Variants in ETS1 observed in about 807,000 individuals in gnomAD.
ETS1 encodes the protein protein C-ets-1.
Under a neutral mutation model 58.6 loss-of-function variants are expected in ETS1, and 15 were observed. That is an observed-to-expected ratio of 0.26 (90% confidence interval 0.17 to 0.39). The LOEUF is 0.39. Ranked by LOEUF, ETS1 falls within the 10% of genes least tolerant of loss-of-function variation. The pLI, the probability that ETS1 is intolerant of heterozygous loss-of-function variation, is 1.00. For missense variants in ETS1, 417 were observed against 610.5 expected, an observed-to-expected ratio of 0.68 and a Z score of 3.34; for synonymous variants, 214 against 218.2, an observed-to-expected ratio of 0.98 and a Z score of 0.17.
At chr11:128,479,251 G>C (rs960251562) in intron 8 of ETS1, among the ~76,000 whole-genome samples, 3 of 152,062 alleles carry the variant, frequency 2.0e-5, no homozygotes, top group Admixed American at 2.0e-4. Flanking sequence ...CCACACAAAG[G>C]GTCCCTACAT....
At chr11:128,494,284 A>G (rs978008026) in intron 3 of ETS1, among the ~76,000 whole-genome samples, 4 of 152,224 alleles carry the variant, frequency 2.6e-5, no homozygotes, top group Non-Finnish European at 4.4e-5. Context: ...TATTGCAATT[A>G]TATTAGATTT....
chr11:128,525,443 C>A (rs931414918), intron 3 of ETS1, among the ~76,000 whole-genome samples: 5 of 151,992 alleles, frequency 3.3e-5, no homozygotes, highest in East Asian at 3.9e-4. Flanking sequence ...CAGAAGTGTC[C>A]TAGCATGTTA....
At chr11:128,555,085 C>G (rs1220852242) in intron 3 of ETS1, among the ~76,000 whole-genome samples, 1 of 152,074 alleles carries the variant, frequency 6.6e-6, no homozygotes, top group African/African-American at 2.4e-5. Context: ...AAGAATACCT[C>G]AAAGATCAAT....
chr11:128,524,894 T>A (rs1863770377), intron 3 of ETS1, among the ~76,000 whole-genome samples: 1 of 152,058 alleles, frequency 6.6e-6, no homozygotes, highest in Non-Finnish European at 1.5e-5. Flanking sequence ...AGAACCTCTA[T>A]CCCCAGCACT....
chr11:128,572,979 A>G, intron 2 of ETS1, 83 bp downstream of exon 2: 1 of 1,085,032 alleles, frequency 9.2e-7, no homozygotes, highest in Admixed American at 2.0e-5. Context: ...TTCTCTGTCT[A>G]CTGGGGGTCA....
At chr11:128,545,241 C>T (rs1864116139) in intron 3 of ETS1, among the ~76,000 whole-genome samples, 1 of 152,068 alleles carries the variant, frequency 6.6e-6, no homozygotes, top group South Asian at 2.1e-4. Flanking sequence ...TCTTGTTTTC[C>T]CTTTTACATC....
chr11:128,500,063 G>A (rs189992037), intron 3 of ETS1, among the ~76,000 whole-genome samples: 121 of 152,298 alleles, frequency 7.9e-4, no homozygotes, highest in African/African-American at 1.5e-3. Flanking sequence ...AAGTTAGCCC[G>A]GGAAGGGCAG....
At chr11:128,572,551 C>G (rs1479290900) in intron 2 of ETS1, among the ~76,000 whole-genome samples, 5 of 152,172 alleles carry the variant, frequency 3.3e-5, no homozygotes, top group African/African-American at 1.2e-4. Flanking sequence ...GGACAAAAAA[C>G]TTCATCCAGT....
In ETS1 at chr11:128,556,346, A is replaced by G. The variant is rs1864312147; in HGVS notation, c.159T>C (p.Phe53=). 1.2e-6 allele frequency: 2 copies of G among 1,613,620 alleles called. No individual in the cohort carries two copies. Among genetic ancestry groups the G allele is most frequent in the Non-Finnish European group, 1.7e-6 (2 of 1,179,644 alleles). The change falls in exon 3 of 10, where the codon TTT becomes TTC. Residue 53 remains phenylalanine (F), a synonymous_variant. Coordinates refer to ENST00000392668, the MANE Select transcript of ETS1 (RefSeq NM_001143820.2). ...CTTCCTGAGTTGCCATCTCATCCCA[A>G]AAGGGGTAGCAAGGTCTTTGCTGGT... is the stretch of plus-strand genomic sequence containing the variant. The part of the protein sequence containing the change: ...NYHQQRPCYP[F]WDEMATQEVP...
chr11:128,493,964 CTT>C (rs1459646182), intron 3 of ETS1, among the ~76,000 whole-genome samples: 1 of 152,188 alleles, frequency 6.6e-6, no homozygotes, highest in Non-Finnish European at 1.5e-5. Context: ...TCTGACATGA[CTT>C]AGCCTAAGCA....
chr11:128,510,230 C>T (rs1277756810), intron 3 of ETS1, among the ~76,000 whole-genome samples: 1 of 152,204 alleles, frequency 6.6e-6, no homozygotes, highest in Non-Finnish European at 1.5e-5. Flanking sequence ...CCTTGAATCA[C>T]CAAAGACTCC....
At chr11:128,472,828 G>A (rs1565368336) in intron 8 of ETS1, among the ~76,000 whole-genome samples, 1 of 152,152 alleles carries the variant, frequency 6.6e-6, no homozygotes, top group Admixed American at 6.5e-5. Context: ...TGAAGGTTCC[G>A]CTGCCTTCTC....
At chr11:128,554,907 A>G (rs1864288761) in intron 3 of ETS1, among the ~76,000 whole-genome samples, 1 of 152,194 alleles carries the variant, frequency 6.6e-6, no homozygotes, top group South Asian at 2.1e-4. Flanking sequence ...CATGTCCTCA[A>G]ATTTTTAGTC....
At chr11:128,538,492 A>G (rs1047941221) in intron 3 of ETS1, among the ~76,000 whole-genome samples, 1 of 152,188 alleles carries the variant, frequency 6.6e-6, no homozygotes, top group African/African-American at 2.4e-5. Flanking sequence ...ATACCAGGCT[A>G]CAGAGTCAGG....
intron 3 of ETS1, among the ~76,000 whole-genome samples, chr11:128,497,142 G>A (rs1447941534): frequency 6.6e-6 from 1 of 152,158 alleles, no homozygotes; most frequent in African/African-American, 2.4e-5. Flanking sequence ...AAAAACCACT[G>A]CAAAGAAGGG....
intron 3 of ETS1, among the ~76,000 whole-genome samples, chr11:128,519,662 G>A (rs746725611): frequency 6.6e-6 from 1 of 152,174 alleles, no homozygotes; most frequent in Non-Finnish European, 1.5e-5. Flanking sequence ...AGTCTCAGCT[G>A]AGGTTTCTTT....
At chr11:128,499,132 C>T (rs192403870) in intron 3 of ETS1, among the ~76,000 whole-genome samples, 17 of 152,284 alleles carry the variant, frequency 1.1e-4, no homozygotes, top group East Asian at 7.7e-4. Flanking sequence ...CAGGATCATA[C>T]GGCTTTTGGT....
At chr11:128,480,096 T>C (rs1165890965) in intron 8 of ETS1, 95 bp downstream of exon 8, 2 of 1,512,134 alleles carry the variant, frequency 1.3e-6, no homozygotes, top group African/African-American at 2.7e-5. Context: ...AGGGAGTCTC[T>C]CGTCGTCTCT....
intron 3 of ETS1, chr11:128,522,397 T>A: frequency 1.0e-6 from 1 of 969,664 alleles, no homozygotes; most frequent in Non-Finnish European, 1.2e-6. Flanking sequence ...GGCCGCTGGG[T>A]CCGCGCGCCC....
Sources: gnomAD v4.1 joint callset for allele counts (sites outside exome capture counted in the v4.1 genomes callset) on GRCh38, gnomAD v4.1.1 for gene constraint, MANE v1.5 for transcripts, NCBI Gene and HGNC (gene_info 2026-07-23, HGNC 2026-07-21) for gene names.